CIMAP1D: variants seen among roughly 807,000 people sequenced by gnomAD.
The protein encoded by CIMAP1D is CIMAP1 family member D.
chr19:488,134 G>A, the CIMAP1D span, among the ~76,000 whole-genome samples: 9 of 152,116 alleles, frequency 5.9e-5, 1 homozygote, highest in African/African-American at 2.2e-4. Context: ...GAGTCTTGCC[G>A]ATGGCCCCGG....
the CIMAP1D span, among the ~76,000 whole-genome samples, chr19:465,082 G>T: frequency 6.8e-6 from 1 of 146,932 alleles, no homozygotes; most frequent in African/African-American, 2.5e-5. Flanking sequence ...TGGGTGGAAG[G>T]ATGGATAGGT....
chr19:476,253 C>T, the CIMAP1D span, among the ~76,000 whole-genome samples: 4 of 152,006 alleles, frequency 2.6e-5, no homozygotes, highest in African/African-American at 9.7e-5. Flanking sequence ...CGGGGTTTCA[C>T]CACGTTGGCC....
At chr19:464,321 C>T in the CIMAP1D span, 11 of 1,538,336 alleles carry the variant, frequency 7.2e-6, no homozygotes, top group Non-Finnish European at 9.6e-6. Flanking sequence ...CAGGGGGCAC[C>T]TTCTCTGGGC....
chr19:471,256 C>A, the CIMAP1D span, among the ~76,000 whole-genome samples: 3 of 152,008 alleles, frequency 2.0e-5, no homozygotes, highest in Non-Finnish European at 4.4e-5. Context: ...TCACGCCATT[C>A]TCCTGCCTCA....
At chr19:475,049 C>T in the CIMAP1D span, 1,338 of 304,130 alleles carry the variant, frequency 4.4e-3, 3 homozygotes, top group Admixed American at 6.8e-3. Flanking sequence ...TCCCGGGAGC[C>T]GGCAGAGCTG....
chr19:470,106 C>T, the CIMAP1D span, among the ~76,000 whole-genome samples: 1 of 152,188 alleles, frequency 6.6e-6, no homozygotes, highest in African/African-American at 2.4e-5. Flanking sequence ...GTGCACGATC[C>T]CCAGTCCACC....
the CIMAP1D span, chr19:464,312 A>T: frequency 6.5e-7 from 1 of 1,540,510 alleles, no homozygotes; most frequent in South Asian, 1.2e-5. Context: ...GATGGCGCAC[A>T]GGGGGCACCT....
the CIMAP1D span, among the ~76,000 whole-genome samples, chr19:468,760 T>C: frequency 6.6e-6 from 1 of 152,186 alleles, no homozygotes; most frequent in African/African-American, 2.4e-5. Context: ...GCTGTACATG[T>C]GGCAGTGAGC....
chr19:465,563 G>A, the CIMAP1D span, among the ~76,000 whole-genome samples: 1 of 146,046 alleles, frequency 6.8e-6, no homozygotes, highest in Non-Finnish European at 1.5e-5. Flanking sequence ...AGATGGATGA[G>A]TGGATAGGTA....
the CIMAP1D span, among the ~76,000 whole-genome samples, chr19:468,615 C>T: frequency 2.0e-5 from 3 of 152,220 alleles, no homozygotes; most frequent in Non-Finnish European, 4.4e-5. Context: ...TGTGGCCTTG[C>T]ACTTCCCGAT....
the CIMAP1D span, among the ~76,000 whole-genome samples, chr19:464,890 TGATGGATGGATGGATGGATG>T: frequency 2.7e-5 from 4 of 148,184 alleles, no homozygotes; most frequent in Admixed American, 6.8e-5. Context: ...GATGAGTGGA[TGATGGATGGATGGATGGATG>T]GATGGATGGA....
At chr19:470,341 G>C in the CIMAP1D span, among the ~76,000 whole-genome samples, 2 of 151,430 alleles carry the variant, frequency 1.3e-5, no homozygotes, top group African/African-American at 4.9e-5. Flanking sequence ...CTAGTAGCTG[G>C]GACTATAGGC....
the CIMAP1D span, chr19:475,070 G>C: frequency 3.7e-6 from 1 of 268,562 alleles, no homozygotes; most frequent in African/African-American, 2.2e-5. Context: ...GGCAGCTGGG[G>C]CCAGGGCCGG....
the CIMAP1D span, among the ~76,000 whole-genome samples, chr19:478,665 A>T: frequency 6.6e-6 from 1 of 152,266 alleles, no homozygotes; most frequent in South Asian, 2.1e-4. Context: ...CCTGATTTTA[A>T]TCCTGCCTGC....
chr19:469,319 G>C, the CIMAP1D span, among the ~76,000 whole-genome samples: 1 of 151,126 alleles, frequency 6.6e-6, no homozygotes, highest in Non-Finnish European at 1.5e-5. Context: ...CTGGGCTCAA[G>C]CAATCCTCCC....
chr19:480,325 G>A, the CIMAP1D span, among the ~76,000 whole-genome samples: 1 of 152,240 alleles, frequency 6.6e-6, no homozygotes, highest in Non-Finnish European at 1.5e-5. Context: ...TGTGAGCAGG[G>A]ACGCGTCCCA....
the CIMAP1D span, among the ~76,000 whole-genome samples, chr19:480,749 G>A: frequency 1.2e-4 from 11 of 91,310 alleles, no homozygotes; most frequent in African/African-American, 3.5e-4. Context: ...GATGGAGAAC[G>A]ATGATGGAGA....
the CIMAP1D span, chr19:464,514 C>T: frequency 3.0e-6 from 2 of 663,972 alleles, no homozygotes; most frequent in Non-Finnish European, 5.3e-6. Flanking sequence ...CCTCCATACA[C>T]ATGGTCTGTG....
At chr19:472,614 T>C in the CIMAP1D span, 33 of 743,032 alleles carry the variant, frequency 4.4e-5, no homozygotes, top group East Asian at 3.2e-4. Context: ...ATGGTGAGGA[T>C]TGGGGGCCCC....
Sources: gnomAD v4.1 joint callset for allele counts (sites outside exome capture counted in the v4.1 genomes callset) on GRCh38, gnomAD v4.1.1 for gene constraint, MANE v1.5 for transcripts, NCBI Gene and HGNC (gene_info 2026-07-23, HGNC 2026-07-21) for gene names.